Variants in WDR45 observed in about 807,000 individuals in gnomAD.
The protein encoded by WDR45 is WD repeat domain phosphoinositide-interacting protein 4.
Under a neutral mutation model 27.3 loss-of-function variants are expected in WDR45, and 2 were observed. The observed-to-expected ratio is 0.07, with a 90% CI of 0.03 to 0.23. The LOEUF is 0.23. WDR45 is among the 10% of genes least tolerant of loss of function. The pLI is 1.00. For synonymous variants in WDR45, 99 were observed against 119.2 expected (o/e 0.83, Z 1.11); for missense variants, 175 against 311.9 (o/e 0.56, Z 3.31).
At chrX:49,088,016 G>A (rs782224790) in intron 2 of WDR45, among the ~76,000 whole-genome samples, 13 of 112,427 alleles carry the variant, frequency 1.2e-4, no homozygotes, top group Admixed American at 5.7e-4. Flanking sequence ...AAAAGCTGGG[G>A]AATGAGATGT....
chrX:49,077,593 G>C (rs782330167), intron 4 of WDR45, 50 bp downstream of exon 4: 21 of 1,107,860 alleles, frequency 1.9e-5, no homozygotes, highest in Non-Finnish European at 2.3e-5. Context: ...GCCTGTGGGA[G>C]GCCAGGAATC....
intron 2 of WDR45, 53 bp from the exon 3 acceptor site, chrX:49,077,964 T>TG (rs1406061807): frequency 2.8e-5 from 34 of 1,206,411 alleles, no homozygotes; most frequent in Non-Finnish European, 3.7e-5. Flanking sequence ...GGTAGGAAGC[T>TG]GGGGGCCCAT....
upstream of WDR45, chrX:49,079,962 C>A (rs1188960981): frequency 2.6e-5 from 3 of 113,263 alleles, no homozygotes; most frequent in Non-Finnish European, 3.7e-5. Context: ...AGGCGGCCAC[C>A]GCCTTCCTCG....
intron 2 of WDR45, among the ~76,000 whole-genome samples, chrX:49,086,031 C>A (rs1273778977): frequency 9.0e-6 from 1 of 111,456 alleles, no homozygotes; most frequent in Admixed American, 9.6e-5. Context: ...CCAATGTAAA[C>A]TGAAAGTGCA....
chrX:49,076,784 G>A lies in WDR45; in HGVS notation c.236-34C>T, dbSNP rs2065040620. The A allele has an allele frequency of 3.5e-6, 4 of 1,128,944 alleles. No homozygotes were observed. In the East Asian group the frequency reaches 1.2e-4, roughly 35 times the overall value. The allele number at this position is 1,128,944 out of a possible 1,213,427, so 93.0% of individuals were successfully genotyped here. Reference sequence around the variant, plus strand: ...CAGGTGGGTGGGTTGTCGGGGCCAAGGTTTAGGGTAAGGGGCAGCCCTGGT... The same window carrying A: ...CAGGTGGGTGGGTTGTCGGGGCCAAAGTTTAGGGTAAGGGGCAGCCCTGGT... On this transcript the variant is annotated intron_variant, in intron 4 of 10. Transcript: ENST00000376372.
At chrX:49,098,404 G>A (rs782504282) in intron 2 of WDR45, among the ~76,000 whole-genome samples, 4 of 108,993 alleles carry the variant, frequency 3.7e-5, no homozygotes, top group Non-Finnish European at 5.7e-5. Context: ...GCTAAGGTGC[G>A]GGAATTGCTT....
chrX:49,089,828 C>T (rs2065098626), intron 2 of WDR45, among the ~76,000 whole-genome samples: 1 of 106,242 alleles, frequency 9.4e-6, no homozygotes, highest in Non-Finnish European at 1.9e-5. Flanking sequence ...AAAAGAAGTA[C>T]TGTACTTATA....
chrX:49,095,597 A>T, intron 2 of WDR45, among the ~76,000 whole-genome samples: 1 of 107,537 alleles, frequency 9.3e-6, no homozygotes, highest in Non-Finnish European at 1.9e-5. Flanking sequence ...AGTAGCTGGG[A>T]CTACAGGCGC....
intron 2 of WDR45, among the ~76,000 whole-genome samples, chrX:49,091,755 CAAAAAAAAAAAAAAA>C (rs1162476660): frequency 3.7e-4 from 13 of 35,196 alleles, no homozygotes; most frequent in African/African-American, 1.9e-3. Context: ...GACTCCGTCT[CAAAAAAAAAAAAAAA>C]AAAAAAAAAA....
chrX:49,100,280 G>A (rs1232453683), exon 2 of WDR45: 2 of 106,305 alleles, frequency 1.9e-5, no homozygotes, highest in Admixed American at 1.0e-4. Flanking sequence ...TGTCGCCCAG[G>A]CTGGAGTGCA....
At chrX:49,076,191 C>T in intron 6 of WDR45, 3 of 467,429 alleles carry the variant, frequency 6.4e-6, no homozygotes, top group Middle Eastern at 6.0e-4. Flanking sequence ...ACACACCCAC[C>T]CATGTCCTCA....
intron 2 of WDR45, among the ~76,000 whole-genome samples, chrX:49,092,111 C>G (rs1251758552): frequency 1.7e-5 from 1 of 58,616 alleles, no homozygotes; most frequent in Non-Finnish European, 3.0e-5. Context: ...CAGAGCAACA[C>G]TCCATCTCAA....
chrX:49,077,536 G>T, intron 4 of WDR45, 107 bp downstream of exon 4: 1 of 683,016 alleles, frequency 1.5e-6, no homozygotes, highest in Non-Finnish European at 2.3e-6. Flanking sequence ...TCCTCTCTGT[G>T]TGACTCTGAA....
At chrX:49,097,575 G>A (rs1425126457) in intron 2 of WDR45, among the ~76,000 whole-genome samples, 2 of 109,318 alleles carry the variant, frequency 1.8e-5, no homozygotes, top group East Asian at 2.9e-4. Flanking sequence ...TGATCTGCCC[G>A]CCTCGGCCTC....
chrX:49,095,655 T>C (rs1279706342), intron 2 of WDR45, among the ~76,000 whole-genome samples: 1 of 106,385 alleles, frequency 9.4e-6, no homozygotes, highest in Non-Finnish European at 1.9e-5. Context: ...AGAGACGGGG[T>C]TTCACCATGT....
intron 2 of WDR45, among the ~76,000 whole-genome samples, chrX:49,094,082 A>T (rs1386936715): frequency 1.8e-5 from 2 of 111,218 alleles, no homozygotes; most frequent in East Asian, 5.7e-4. Flanking sequence ...TTTAACTAGC[A>T]TGGAACCCAC....
upstream of WDR45, among the ~76,000 whole-genome samples, chrX:49,083,938 CTCTG>C (rs1298093208): frequency 2.4e-5 from 2 of 81,644 alleles, no homozygotes; most frequent in Admixed American, 1.4e-4. Flanking sequence ...CAGAGCGACA[CTCTG>C]TCTAAAAAAA....
chrX:49,076,703 G>A lies in WDR45; in HGVS notation c.283C>T (p.Leu95=). 8.3e-7 allele frequency: 1 copy of A among 1,210,518 alleles called. No homozygotes were observed. The highest frequency in any genetic ancestry group is 2.2e-5 in the Admixed American group (1 of 45,902). The part of the protein sequence containing the change: ...AREGKDSKEK[L]VLEFTFTKPV... Reference sequence around the variant, plus strand: ...TTGGTGAAGGTGAACTCCAGCACCAGCTTCTCCTTGGAGTCCTTGCCCTCC... The same window carrying A: ...TTGGTGAAGGTGAACTCCAGCACCAACTTCTCCTTGGAGTCCTTGCCCTCC... Residue 95 remains leucine, a synonymous_variant, in exon 5 of 11, where the codon CTG becomes TTG. Coordinates refer to ENST00000376372, the MANE Select transcript of WDR45 (RefSeq NM_001029896.2).
intron 2 of WDR45, among the ~76,000 whole-genome samples, chrX:49,089,627 T>G (rs112080670): frequency 5.5e-5 from 6 of 109,852 alleles, no homozygotes; most frequent in Non-Finnish European, 9.5e-5. Context: ...AGACCCCATC[T>G]CTACAAAAAA....
Sources: allele counts gnomAD v4.1 joint callset (sites outside exome capture counted in the v4.1 genomes callset), GRCh38; gene constraint gnomAD v4.1.1; transcripts MANE v1.5; gene names NCBI Gene and HGNC (gene_info 2026-07-23, HGNC 2026-07-21).